The following ADGRB3 variants were observed in gnomAD, a reference collection of about 807,000 sequenced individuals.
ADGRB3 encodes adhesion G protein-coupled receptor B3.
ADGRB3 carries 37 observed loss-of-function variants against 193.4 expected under a neutral mutation model. That is an observed-to-expected ratio of 0.19 (90% CI 0.15 to 0.25). The LOEUF (loss-of-function observed/expected upper bound fraction) is 0.25, where lower values mean the gene tolerates loss of function less well. Ranked by LOEUF, ADGRB3 falls within the 10% of genes least tolerant of loss-of-function variation. The pLI is 1.00. For missense variants in ADGRB3, 1,637 were observed against 1,852.9 expected (o/e 0.88, Z 2.14); for synonymous variants, 690 against 644.2 (o/e 1.07, Z -1.08).
chr6:68,673,064 G>A (rs946485081), intron 3 of ADGRB3, among the ~76,000 whole-genome samples: 2 of 151,892 alleles, frequency 1.3e-5, no homozygotes, highest in African/African-American at 2.4e-5. Context: ...GTGTGTATAC[G>A]TATGTGTTTG....
intron 17 of ADGRB3, among the ~76,000 whole-genome samples, chr6:69,209,184 T>C (rs905977453): frequency 8.0e-4 from 122 of 152,270 alleles, no homozygotes; most frequent in African/African-American, 2.8e-3. Context: ...TGCAGAACCT[T>C]CTCCTATTCT....
chr6:68,900,339 T>C (rs1465651197), intron 3 of ADGRB3, among the ~76,000 whole-genome samples: 2 of 152,052 alleles, frequency 1.3e-5, no homozygotes, highest in African/African-American at 2.4e-5. Context: ...GAAGCACAGG[T>C]CTGTAGAGAT....
intron 3 of ADGRB3, among the ~76,000 whole-genome samples, chr6:68,799,134 T>C (rs1463632715): frequency 6.6e-6 from 1 of 151,980 alleles, no homozygotes; most frequent in Admixed American, 6.6e-5. Context: ...CACATTTAGA[T>C]AAGGAAGACA....
intron 3 of ADGRB3, among the ~76,000 whole-genome samples, chr6:68,836,692 T>C (rs1238056478): frequency 1.3e-5 from 2 of 152,112 alleles, no homozygotes; most frequent in African/African-American, 4.8e-5. Context: ...ATATCTTACT[T>C]AGAAGTGAAA....
intron 21 of ADGRB3, among the ~76,000 whole-genome samples, chr6:69,325,698 T>C (rs1374317904): frequency 6.6e-6 from 1 of 152,160 alleles, no homozygotes; most frequent in East Asian, 1.9e-4. Context: ...TACAATAATA[T>C]CTACTGTATT....
intron 5 of ADGRB3, among the ~76,000 whole-genome samples, chr6:68,941,348 A>G (rs1204044973): frequency 6.6e-6 from 1 of 152,180 alleles, no homozygotes; most frequent in East Asian, 1.9e-4. Context: ...CAAATGAAAA[A>G]AAATCTTTTT....
chr6:68,658,334 A>G (rs938010385), intron 3 of ADGRB3, among the ~76,000 whole-genome samples: 1 of 151,280 alleles, frequency 6.6e-6, no homozygotes, highest in African/African-American at 2.4e-5. Context: ...AGCTTATCCC[A>G]TGTTTTGTAA....
intron 17 of ADGRB3, among the ~76,000 whole-genome samples, chr6:69,201,315 C>T (rs12198843): frequency 5.9e-4 from 90 of 152,248 alleles, no homozygotes; most frequent in Non-Finnish European, 1.2e-3. Flanking sequence ...GTGACTTCCT[C>T]CTCTGGCTCC....
At chr6:69,035,996 T>C (rs371837759) in intron 13 of ADGRB3, among the ~76,000 whole-genome samples, 9 of 152,280 alleles carry the variant, frequency 5.9e-5, no homozygotes, top group African/African-American at 1.7e-4. Context: ...TTGAGATGCC[T>C]GAAGAAATTC....
At chr6:69,358,798 T>C (rs1235044581) in intron 28 of ADGRB3, among the ~76,000 whole-genome samples, 1 of 151,882 alleles carries the variant, frequency 6.6e-6, no homozygotes, top group Admixed American at 6.6e-5. Flanking sequence ...GGTGGTATGA[T>C]TTGTTTATGC....
At chr6:69,101,586 T>C (rs1420238917) in intron 17 of ADGRB3, among the ~76,000 whole-genome samples, 2 of 152,106 alleles carry the variant, frequency 1.3e-5, no homozygotes, top group Non-Finnish European at 2.9e-5. Context: ...ATATTTCTTA[T>C]AAAAATAGAC....
chr6:69,090,683 T>A (rs140549985), intron 17 of ADGRB3, among the ~76,000 whole-genome samples: 1 of 152,166 alleles, frequency 6.6e-6, no homozygotes, highest in African/African-American at 2.4e-5. Flanking sequence ...ATAAAGATCA[T>A]GGTTTTCATT....
chr6:68,948,605 T>C (rs1021673176), intron 6 of ADGRB3, among the ~76,000 whole-genome samples: 12 of 152,104 alleles, frequency 7.9e-5, no homozygotes, highest in African/African-American at 2.9e-4. Flanking sequence ...CTTTATAGCT[T>C]TTTACTTTAT....
chr6:69,209,112 T>A (rs760748983), intron 17 of ADGRB3, among the ~76,000 whole-genome samples: 23 of 152,176 alleles, frequency 1.5e-4, no homozygotes, highest in Non-Finnish European at 3.2e-4. Context: ...TCAAGCACCA[T>A]TGGATCTGCT....
intron 3 of ADGRB3, among the ~76,000 whole-genome samples, chr6:68,649,472 G>A (rs921205833): frequency 4.6e-5 from 7 of 151,998 alleles, no homozygotes; most frequent in African/African-American, 1.4e-4. Context: ...ACTACTTAAT[G>A]TAGACTAGTG....
At chr6:68,884,711 A>G (rs1235628405) in intron 3 of ADGRB3, among the ~76,000 whole-genome samples, 1 of 152,086 alleles carries the variant, frequency 6.6e-6, no homozygotes, top group African/African-American at 2.4e-5. Context: ...AGGTGTGGGG[A>G]GGAGTTGTGC....
At chr6:68,668,369 T>G (rs1165241322) in intron 3 of ADGRB3, among the ~76,000 whole-genome samples, 5 of 151,982 alleles carry the variant, frequency 3.3e-5, no homozygotes, top group Non-Finnish European at 5.9e-5. Flanking sequence ...CCTTCAAAAT[T>G]GACAGCACAG....
At chr6:69,121,631 C>T (rs550333310) in intron 17 of ADGRB3, among the ~76,000 whole-genome samples, 29 of 150,884 alleles carry the variant, frequency 1.9e-4, no homozygotes, top group African/African-American at 6.1e-4. Context: ...GATGGGGCAG[C>T]GGGACAGAGG....
At chr6:68,716,441 G>A (rs939053293) in intron 3 of ADGRB3, among the ~76,000 whole-genome samples, 8 of 151,316 alleles carry the variant, frequency 5.3e-5, no homozygotes, top group Non-Finnish European at 1.2e-4. Flanking sequence ...GTGGGCCCAT[G>A]TTTTACTGGT....
Sources: gnomAD v4.1 joint callset for allele counts (sites outside exome capture counted in the v4.1 genomes callset) on GRCh38, gnomAD v4.1.1 for gene constraint, MANE v1.5 for transcripts, NCBI Gene and HGNC (gene_info 2026-07-23, HGNC 2026-07-21) for gene names.